COL5A1: variants seen among roughly 807,000 people sequenced by gnomAD.
COL5A1 encodes collagen alpha-1(V) chain.
COL5A1 carries 16 observed loss-of-function variants against 263.7 expected under a neutral mutation model. The ratio of observed to expected loss-of-function variants is 0.06; its 90% CI spans 0.04 to 0.09. COL5A1 has a LOEUF of 0.09. COL5A1 is among the 10% of genes least tolerant of loss of function. The pLI is 1.00. For missense variants in COL5A1, 2,036 were observed against 2,540.5 expected, an observed-to-expected ratio of 0.80 and a Z score of 4.27; for synonymous variants, 1,012 against 1,004.5, an observed-to-expected ratio of 1.01 and a Z score of -0.14.
chr9:134,829,471 C>T (rs562602684), intron 63 of COL5A1, among the ~76,000 whole-genome samples: 8 of 147,532 alleles, frequency 5.4e-5, no homozygotes, highest in East Asian at 4.1e-4. Flanking sequence ...CCGGTCTCCC[C>T]GAGGGCCCAG....
At position 134,765,647 on chromosome 9, in the gene COL5A1, G is replaced by A. The variant is rs750676755; in HGVS notation, c.2035-34G>A. 4.2e-5 allele frequency: 67 copies of A among 1,603,346 alleles called. No individual in the cohort carries two copies. The highest frequency in any genetic ancestry group is 1.6e-4 in the Middle Eastern group (1 of 6,072). ...GAGAGGAGGGCTGGGATTTCTGCCC[G>A]AGTTTAAATCCTATTTTCCCTTTCC... is the stretch of plus-strand genomic sequence containing the variant. On this transcript the variant is annotated intron_variant, in intron 20 of 65. Coordinates refer to ENST00000371817, the MANE Select transcript of COL5A1 (RefSeq NM_000093.5). The surrounding 1 kb of genome is among the most constrained non-coding windows in gnomAD (Gnocchi z 5.1).
chr9:134,836,108 G>A (rs1056970916), intron 65 of COL5A1, among the ~76,000 whole-genome samples: 1 of 152,164 alleles, frequency 6.6e-6, no homozygotes, highest in Non-Finnish European at 1.5e-5. Context: ...TTAGCGCCTC[G>A]CTCCTTTAGT....
intron 4 of COL5A1, among the ~76,000 whole-genome samples, chr9:134,715,314 AAGGCG>A (rs1834222734): frequency 6.6e-6 from 1 of 152,160 alleles, no homozygotes; most frequent in Non-Finnish European, 1.5e-5. Context: ...CTCCAGCCCT[AAGGCG>A]GTTTTCCTCT....
rs1833099326 is a variant in COL5A1, at chr9:134,686,970, G to T, written c.110-3942G>T. ...GGGATTGAATGCAGGGAGTCAGGTGGATACAGTCTCCGGGAGACCCGGCGT... is the reference window on the plus strand; with the variant it reads ...GGGATTGAATGCAGGGAGTCAGGTGTATACAGTCTCCGGGAGACCCGGCGT... On this transcript the variant is annotated intron_variant, in intron 1 of 65. Transcript: ENST00000371817. This position sits in a 1 kb window ranked among gnomAD's most constrained non-coding sequence, Gnocchi z 4.6. Among the ~76,000 whole-genome samples, 1 of 152,194 alleles carries T rather than the reference G, an allele frequency of 6.6e-6. No individual in the cohort carries two copies.
intron 62 of COL5A1, among the ~76,000 whole-genome samples, chr9:134,825,587 G>C (rs1839232380): frequency 6.6e-6 from 1 of 152,152 alleles, no homozygotes; most frequent in South Asian, 2.1e-4. Flanking sequence ...CTGTGTTCTT[G>C]GTGAATGAGT....
rs760842092 is a variant in COL5A1, at chr9:134,812,585, T to A, written c.3745-20T>A. 1.9e-6 allele frequency: 3 copies of A among 1,610,110 alleles called. No individual in the cohort carries two copies. The African/African-American group carries it at 4.0e-5, about 22-fold the overall frequency. The stretch of plus-strand genomic sequence containing the variant: ...ACATTTGCGTTTCCTCTGGGCTCAG[T>A]GGTCTCTCCCTTTTCCTAGGGCCCC... On this transcript the variant is annotated intron_variant, in intron 47 of 65. Coordinates refer to ENST00000371817, the MANE Select transcript of COL5A1 (RefSeq NM_000093.5).
At chr9:134,803,116 C>T (rs1020686631) in intron 39 of COL5A1, 121 bp downstream of exon 39, 6 of 827,420 alleles carry the variant, frequency 7.3e-6, no homozygotes, top group Non-Finnish European at 1.2e-5. Context: ...GCTTCTCATG[C>T]CGGTTCACTC....
intron 1 of COL5A1, among the ~76,000 whole-genome samples, chr9:134,655,321 G>T (rs1588408233): frequency 6.6e-6 from 1 of 151,946 alleles, no homozygotes. Flanking sequence ...ACCCGAGGGA[G>T]GCGGAGGTGG....
At position 134,789,281 on chromosome 9, in the gene COL5A1, CG is replaced by C; in HGVS notation, c.2700+74del. ...GTGCCTAGCAAGTTGGTTCTCCAGC[CG>C]ACGGCCTGTTTATTTCTCACTCTCT... On this transcript the variant is annotated intron_variant, in intron 32 of 65. Transcript: ENST00000371817. The surrounding 1 kb of genome is among the most constrained non-coding windows in gnomAD (Gnocchi z 4.8). The C allele has an allele frequency of 8.0e-7, 1 of 1,253,884 alleles. No individual in the cohort carries two copies. Among genetic ancestry groups the C allele is most frequent in the South Asian group, 1.2e-5 (1 of 81,378 alleles). The allele number at this position is 1,253,884 out of a possible 1,614,324, so 77.7% of individuals were successfully genotyped here.
chr9:134,811,431 GC>G (rs747963944), intron 45 of COL5A1, 39 bp downstream of exon 45: 1 of 1,612,694 alleles, frequency 6.2e-7, no homozygotes, highest in Non-Finnish European at 8.5e-7. Context: ...AAAGCCCCAC[GC>G]CCCCCCAGAG....
At chr9:134,697,108 G>A (rs1054847141) in intron 2 of COL5A1, among the ~76,000 whole-genome samples, 2 of 151,844 alleles carry the variant, frequency 1.3e-5, no homozygotes, top group Admixed American at 6.6e-5. Flanking sequence ...GGAGTCCGGA[G>A]CCCACCCCTC....
intron 65 of COL5A1, among the ~76,000 whole-genome samples, chr9:134,837,299 T>C (rs1839882467): frequency 6.6e-6 from 1 of 152,048 alleles, no homozygotes. Flanking sequence ...CAGTGGGTAT[T>C]GTCTGGTAAA....
At chr9:134,726,505 G>A (rs1386568716) in intron 4 of COL5A1, among the ~76,000 whole-genome samples, 2 of 151,880 alleles carry the variant, frequency 1.3e-5, no homozygotes, top group Non-Finnish European at 2.9e-5. Context: ...TAGATGGATA[G>A]ATGGATAGAA....
chr9:134,706,926 C>T (rs1833854744), intron 4 of COL5A1, among the ~76,000 whole-genome samples: 2 of 152,214 alleles, frequency 1.3e-5, no homozygotes, highest in South Asian at 4.1e-4. Context: ...AGCCCCTGTC[C>T]CAGCACCTTC....
Position 134,756,769 on chromosome 9 carries a change from G to A in COL5A1, c.1832G>A (p.Arg611Gln), listed in dbSNP as rs200590188. ...GTTTTGCCTCCTTTGTTCCAGGGTC[G>A]GGCTGGGAGTGATGGAGCCAGAGGA... The part of the protein sequence containing the change: ...GPAGKPGRRG[R>Q]AGSDGARGMP... The change falls in exon 17 of 66, where the codon CGG (arginine) becomes CAG (glutamine). Residue 611 changes from arginine (R) to glutamine (Q), a missense_variant. This residue lies in a region of COL5A1 where 1,078 missense variants were observed against 1,521.4 expected (regional missense o/e 0.71). Transcript: ENST00000371817. 4.8e-5 allele frequency: 77 copies of A among 1,613,882 alleles called. No individual in the cohort carries two copies. The highest frequency in any genetic ancestry group is 6.7e-5 in the East Asian group (3 of 44,868).
At chr9:134,750,484 C>A in intron 11 of COL5A1, 58 bp from the exon 12 acceptor site, 1 of 1,520,302 alleles carries the variant, frequency 6.6e-7, no homozygotes, top group Non-Finnish European at 9.1e-7. Flanking sequence ...ATTCTCGCTG[C>A]AGCCCAGCCC....
At chr9:134,654,782 T>C (rs1409017236) in intron 1 of COL5A1, among the ~76,000 whole-genome samples, 1 of 123,616 alleles carries the variant, frequency 8.1e-6, no homozygotes, top group East Asian at 2.7e-4. Context: ...TGTCTAGGGC[T>C]GGGGTGTGTA....
chr9:134,765,518 A>G lies in COL5A1; in HGVS notation c.2035-163A>G, dbSNP rs1836629183. On this transcript the variant is annotated intron_variant, in intron 20 of 65. Transcript: ENST00000371817. The surrounding 1 kb of genome is among the most constrained non-coding windows in gnomAD (Gnocchi z 5.1). Reference sequence around the variant, plus strand: ...AGGGTGGGGTGGAGGGAGGCAGCGCAGCAGGCTGGGAGGGAGTCTGGGCCT... The same window carrying G: ...AGGGTGGGGTGGAGGGAGGCAGCGCGGCAGGCTGGGAGGGAGTCTGGGCCT... Among the ~76,000 whole-genome samples the G allele has an allele frequency of 6.6e-6, 1 of 152,146 alleles. No homozygotes were observed. Among genetic ancestry groups the G allele is most frequent in the Non-Finnish European group, 1.5e-5 (1 of 68,014 alleles).
In COL5A1 at chr9:134,755,726, C is replaced by T. The variant is rs1207171825; in HGVS notation, c.1828-1039C>T. On this transcript the variant is annotated intron_variant, in intron 16 of 65. Transcript: ENST00000371817. This position sits in a 1 kb window ranked among gnomAD's most constrained non-coding sequence, Gnocchi z 4.1. ...CTCCCAATGGGCCCCTCCATTTGCC[C>T]AACAGGGCGATGTCTTTTTGGGGAG... is the stretch of plus-strand genomic sequence containing the variant. Among the ~76,000 whole-genome samples, 3 of 152,206 alleles carry T rather than the reference C, an allele frequency of 2.0e-5. No homozygotes were observed. Among genetic ancestry groups the T allele is most frequent in the Non-Finnish European group, 4.4e-5 (3 of 68,040 alleles).
Sources: allele counts gnomAD v4.1 joint callset (sites outside exome capture counted in the v4.1 genomes callset), GRCh38; gene constraint gnomAD v4.1.1; regional missense constraint gnomAD v4.1.1; non-coding constraint Gnocchi (gnomAD v3.1); transcripts MANE v1.5; gene names NCBI Gene and HGNC (gene_info 2026-07-23, HGNC 2026-07-21).